Variants in DISC1 observed in about 807,000 individuals in gnomAD.
DISC1 encodes DISC1 scaffold protein.
Under a neutral mutation model 84.5 loss-of-function variants are expected in DISC1, and 57 were observed. The ratio of observed to expected loss-of-function variants is 0.67; its 90% CI spans 0.55 to 0.84. The LOEUF (loss-of-function observed/expected upper bound fraction) is 0.84, where lower values mean the gene tolerates loss of function less well. Ranked by LOEUF, DISC1 falls within the 40% of genes least tolerant of loss-of-function variation. The pLI, the probability that DISC1 is intolerant of heterozygous loss-of-function variation, is 0.00. For synonymous variants in DISC1, 411 were observed against 415.2 expected (o/e 0.99, Z 0.12); for missense variants, 1,000 against 1,057.8 (o/e 0.95, Z 0.76).
intron 9 of DISC1, among the ~76,000 whole-genome samples, chr1:231,922,712 C>T (rs1303423356): frequency 6.6e-6 from 1 of 151,902 alleles, no homozygotes; most frequent in Non-Finnish European, 1.5e-5. Flanking sequence ...TGGAGGGGGA[C>T]ACGTCCTGGT....
At chr1:231,776,981 G>T (rs1024942164) in intron 6 of DISC1, among the ~76,000 whole-genome samples, 5 of 152,158 alleles carry the variant, frequency 3.3e-5, no homozygotes, top group African/African-American at 1.2e-4. Flanking sequence ...AGACTGCAGA[G>T]AATATCCCTG....
intron 9 of DISC1, among the ~76,000 whole-genome samples, chr1:231,955,023 G>T (rs1270984732): frequency 1.3e-5 from 2 of 152,212 alleles, no homozygotes; most frequent in Admixed American, 6.5e-5. Context: ...ACACTGAGAT[G>T]AGGCAAATAC....
intron 1 of DISC1, among the ~76,000 whole-genome samples, chr1:231,638,447 C>A (rs988171563): frequency 6.6e-6 from 1 of 152,084 alleles, no homozygotes; most frequent in Admixed American, 6.5e-5. Context: ...CCTCAGTTTT[C>A]TTCTAGTATG....
intron 9 of DISC1, chr1:231,925,706 T>A (rs1206730764): frequency 6.6e-6 from 1 of 152,136 alleles, no homozygotes; most frequent in Non-Finnish European, 1.5e-5. Context: ...TGAAATCCAA[T>A]GATTAGTATT....
At chr1:231,785,342 C>T (rs1432850075) in intron 6 of DISC1, among the ~76,000 whole-genome samples, 1 of 151,398 alleles carries the variant, frequency 6.6e-6, no homozygotes, top group African/African-American at 2.4e-5. Context: ...TGCAGTGGTG[C>T]GATCATAGCT....
intron 9 of DISC1, among the ~76,000 whole-genome samples, chr1:231,850,552 T>TA (rs34196892): frequency 4.9e-4 from 74 of 152,254 alleles, no homozygotes; most frequent in African/African-American, 1.7e-3. Flanking sequence ...TGGTGACAGG[T>TA]AAAAAAATAC....
At chr1:231,877,963 T>C (rs2086016763) in intron 9 of DISC1, among the ~76,000 whole-genome samples, 1 of 152,212 alleles carries the variant, frequency 6.6e-6, no homozygotes, top group African/African-American at 2.4e-5. Context: ...GAGGGCAAGA[T>C]GAAGACAAAT....
intron 6 of DISC1, among the ~76,000 whole-genome samples, chr1:231,786,162 A>G (rs909072718): frequency 2.0e-5 from 3 of 152,126 alleles, no homozygotes; most frequent in Non-Finnish European, 4.4e-5. Flanking sequence ...TGTTTTTTAG[A>G]TTCTCTAAAT....
chr1:231,742,402 T>C (rs2073398998), intron 3 of DISC1, among the ~76,000 whole-genome samples: 1 of 152,136 alleles, frequency 6.6e-6, no homozygotes, highest in Non-Finnish European at 1.5e-5. Context: ...TAGGAGATAA[T>C]TTAGAAATTG....
intron 9 of DISC1, among the ~76,000 whole-genome samples, chr1:231,821,028 A>T (rs1300461904): frequency 6.6e-6 from 1 of 152,182 alleles, no homozygotes; most frequent in Non-Finnish European, 1.5e-5. Flanking sequence ...ATATCATTGT[A>T]TCTTGTGTCT....
intron 10 of DISC1, among the ~76,000 whole-genome samples, chr1:231,992,401 T>C (rs990400524): frequency 3.3e-5 from 5 of 152,234 alleles, no homozygotes; most frequent in African/African-American, 1.2e-4. Context: ...TGCTGGTTAA[T>C]AAATCTAACT....
intron 2 of DISC1, among the ~76,000 whole-genome samples, chr1:231,697,648 C>A (rs1012730921): frequency 6.9e-6 from 1 of 143,984 alleles, no homozygotes; most frequent in Non-Finnish European, 1.5e-5. Context: ...GAGGGTCTTG[C>A]CACGTTGCCC....
intron 3 of DISC1, among the ~76,000 whole-genome samples, chr1:231,733,686 CGTA>C (rs1227068570): frequency 2.5e-5 from 3 of 117,812 alleles, no homozygotes; most frequent in Admixed American, 8.2e-5. Flanking sequence ...TGGGAGAAGT[CGTA>C]GTGGTGGTGA....
At chr1:231,892,772 G>T (rs1271331139) in intron 9 of DISC1, among the ~76,000 whole-genome samples, 1 of 152,036 alleles carries the variant, frequency 6.6e-6, no homozygotes, top group East Asian at 1.9e-4. Flanking sequence ...GAGCCTTAAT[G>T]GATAAATAAA....
chr1:231,800,170 A>C lies in DISC1; in HGVS notation c.1752A>C (p.Gln584His). The change falls in exon 8 of 13, where the codon CAA becomes CAC. Residue 584 changes from glutamine to histidine, a missense_variant. Physicochemically the swap from Gln to His is conservative, Grantham distance 24 (BLOSUM62 0). Around this residue, in one of 3 missense-constraint regions of DISC1, gnomAD observed 397 missense variants for 377.5 expected, o/e 1.05. Transcript: ENST00000439617. ...LRKKVNDIET[Q>H]LPALLEAKMH... ...AGAAAGTTAACGATATTGAAACCCAACTACCAGCCTTGCTTGAAGCCAAAA... is the reference window on the plus strand; with the variant it reads ...AGAAAGTTAACGATATTGAAACCCACCTACCAGCCTTGCTTGAAGCCAAAA... 1 of 1,612,020 alleles carries C rather than the reference A, an allele frequency of 6.2e-7. No individual in the cohort carries two copies. The highest frequency in any genetic ancestry group is 8.5e-7 in the Non-Finnish European group (1 of 1,179,732).
chr1:231,629,170 AATG>A (rs1333088891), intron 1 of DISC1, among the ~76,000 whole-genome samples: 2 of 152,372 alleles, frequency 1.3e-5, no homozygotes, highest in East Asian at 3.9e-4. Flanking sequence ...TTGTAAAACA[AATG>A]ATGACAATTT....
chr1:231,865,211 C>A (rs1227438327), intron 9 of DISC1, among the ~76,000 whole-genome samples: 23 of 152,218 alleles, frequency 1.5e-4, no homozygotes, highest in Non-Finnish European at 1.5e-5. Context: ...ACATGCTGAC[C>A]TGGGAGTCTG....
chr1:231,791,332 C>T (rs1377088633), intron 6 of DISC1, among the ~76,000 whole-genome samples: 3 of 152,184 alleles, frequency 2.0e-5, no homozygotes, highest in African/African-American at 7.2e-5. Flanking sequence ...GATAGTTAGA[C>T]TGCCTGGGTT....
intron 3 of DISC1, among the ~76,000 whole-genome samples, chr1:231,734,737 T>C (rs2072249628): frequency 6.6e-6 from 1 of 152,228 alleles, no homozygotes. Context: ...GGCTAAGTGC[T>C]GAGTGGGCAG....
Sources: allele counts gnomAD v4.1 joint callset (sites outside exome capture counted in the v4.1 genomes callset), GRCh38; gene constraint gnomAD v4.1.1; regional missense constraint gnomAD v4.1.1; transcripts MANE v1.5; gene names NCBI Gene and HGNC (gene_info 2026-07-23, HGNC 2026-07-21).